The following RANBP17 variants were observed in gnomAD, a reference collection of about 807,000 sequenced individuals.
RANBP17 encodes ran-binding protein 17.
A neutral mutation model predicts 141.2 loss-of-function variants in RANBP17; 158 were observed. That is an observed-to-expected ratio of 1.12 (90% CI 0.98 to 1.28). The LOEUF is 1.28. Ranked by LOEUF, RANBP17 falls within the 50% of genes most tolerant of loss-of-function variation. The pLI is 0.00. For synonymous variants in RANBP17, 430 were observed against 450.0 expected (o/e 0.96, Z 0.56); for missense variants, 1,438 against 1,290.7 (o/e 1.11, Z -1.75).
At chr5:171,032,209 G>T (rs1295827159) in intron 14 of RANBP17, among the ~76,000 whole-genome samples, 1 of 152,098 alleles carries the variant, frequency 6.6e-6, no homozygotes, top group East Asian at 1.9e-4. Flanking sequence ...AACAGCTCCT[G>T]CTTTAATGAA....
chr5:171,199,924 C>A, intron 19 of RANBP17, 151 bp downstream of exon 19: 1 of 475,610 alleles, frequency 2.1e-6, no homozygotes, highest in Non-Finnish European at 3.7e-6. Context: ...TTTATTTAAG[C>A]ATTTTTCTAG....
chr5:170,992,296 C>G (rs897150962), intron 14 of RANBP17, among the ~76,000 whole-genome samples: 2 of 151,900 alleles, frequency 1.3e-5, no homozygotes, highest in Non-Finnish European at 2.9e-5. Context: ...CTTTTGTTTT[C>G]CTTGCCAGTA....
chr5:171,157,152 A>G (rs1758962384), intron 14 of RANBP17, among the ~76,000 whole-genome samples: 1 of 152,170 alleles, frequency 6.6e-6, no homozygotes, highest in African/African-American at 2.4e-5. Flanking sequence ...TCAGACCAAG[A>G]AATATCTGGG....
chr5:170,929,469 A>G (rs1581168583), intron 12 of RANBP17, among the ~76,000 whole-genome samples: 1 of 152,250 alleles, frequency 6.6e-6, no homozygotes, highest in African/African-American at 2.4e-5. Context: ...CCTTTTATGC[A>G]TCTATTCAAA....
intron 18 of RANBP17, among the ~76,000 whole-genome samples, chr5:171,193,728 A>T (rs1003406423): frequency 2.6e-5 from 4 of 152,066 alleles, no homozygotes; most frequent in Non-Finnish European, 5.9e-5. Context: ...AATCCTTCCC[A>T]TGCTGCCATC....
At position 170,954,218 on chromosome 5, in the gene RANBP17, C is replaced by T. The variant is rs1433769735; in HGVS notation, c.1574+516C>T. ...TAATTTATTTTTAATAACAAATCTC[C>T]TTATAACAGCGTCATACATGTTTTT... On this transcript the variant is annotated intron_variant, in intron 13 of 27. Transcript: ENST00000523189. 2.6e-5 allele frequency among the ~76,000 whole-genome samples: 4 copies of T among 152,010 alleles called. No homozygotes were observed. In the East Asian group the frequency reaches 7.7e-4, roughly 29 times the overall value.
intron 21 of RANBP17, among the ~76,000 whole-genome samples, chr5:171,215,774 T>TGTTTAAGTTCCTTGTAGATTC (rs1283664062): frequency 1.1e-4 from 16 of 152,218 alleles, no homozygotes; most frequent in Non-Finnish European, 2.1e-4. Context: ...CTTGTAAATT[T>TGTTTAAGTTCCTTGTAGATTC]GTTTAAGTTC....
At chr5:171,252,916 T>C (rs1765663572) in intron 24 of RANBP17, 1 of 1,465,040 alleles carries the variant, frequency 6.8e-7, no homozygotes, top group Admixed American at 1.7e-5. Context: ...TGAAGAAGTC[T>C]ACGGGCTGAC....
At chr5:170,916,826 C>T (rs1772018484) in intron 9 of RANBP17, among the ~76,000 whole-genome samples, 1 of 150,620 alleles carries the variant, frequency 6.6e-6, no homozygotes, top group Non-Finnish European at 1.5e-5. Flanking sequence ...AGTGATTCTT[C>T]TGCCTCAGCC....
chr5:171,003,097 C>T (rs561554172), intron 14 of RANBP17, among the ~76,000 whole-genome samples: 16 of 152,218 alleles, frequency 1.1e-4, no homozygotes, highest in East Asian at 5.8e-4. Context: ...CAATGGCGGC[C>T]GCTGCACGGA....
chr5:170,905,994 A>T (rs1364644412), intron 5 of RANBP17, among the ~76,000 whole-genome samples: 3 of 152,098 alleles, frequency 2.0e-5, no homozygotes, highest in Non-Finnish European at 4.4e-5. Context: ...CTTACAGAAA[A>T]GTTGTAAGTA....
At chr5:171,123,725 G>A (rs1372954502) in intron 14 of RANBP17, among the ~76,000 whole-genome samples, 3 of 152,194 alleles carry the variant, frequency 2.0e-5, no homozygotes, top group Admixed American at 6.5e-5. Context: ...CACAGCCTCC[G>A]CTAACAACTG....
At chr5:171,124,511 G>A (rs1452791790) in intron 14 of RANBP17, among the ~76,000 whole-genome samples, 1 of 152,058 alleles carries the variant, frequency 6.6e-6, no homozygotes, top group Non-Finnish European at 1.5e-5. Flanking sequence ...TCCAGATACA[G>A]GAAACTCAAA....
chr5:170,945,019 C>T (rs7702726), intron 12 of RANBP17, among the ~76,000 whole-genome samples: 3,711 of 152,330 alleles, frequency 0.024, 134 homozygotes, highest in African/African-American at 0.084. Flanking sequence ...GAGTCTCTCT[C>T]TCCCCTGCCC....
chr5:171,023,772 C>A (rs1781042761), intron 14 of RANBP17, among the ~76,000 whole-genome samples: 1 of 152,166 alleles, frequency 6.6e-6, no homozygotes, highest in Non-Finnish European at 1.5e-5. Context: ...GAACTCTTAT[C>A]TCTGTCTTCT....
chr5:170,901,018 A>G (rs867305540), intron 5 of RANBP17, among the ~76,000 whole-genome samples: 2 of 152,150 alleles, frequency 1.3e-5, no homozygotes, highest in East Asian at 1.9e-4. Flanking sequence ...GTAGATGTCT[A>G]TTAGGTCTGC....
At chr5:171,147,947 A>G (rs1758180390) in intron 14 of RANBP17, among the ~76,000 whole-genome samples, 1 of 152,180 alleles carries the variant, frequency 6.6e-6, no homozygotes, top group Admixed American at 6.5e-5. Context: ...TGGAATAGAA[A>G]GGCGGGAAAG....
chr5:171,242,285 T>C (rs1393046729), intron 23 of RANBP17, among the ~76,000 whole-genome samples: 1 of 152,200 alleles, frequency 6.6e-6, no homozygotes, highest in Non-Finnish European at 1.5e-5. Flanking sequence ...AGCATTATAT[T>C]AATACAACAG....
In RANBP17 at chr5:170,998,251, T is replaced by G. The variant is rs575022269; in HGVS notation, c.1710+29874T>G. 3.9e-5 allele frequency among the ~76,000 whole-genome samples: 6 copies of G among 152,330 alleles called. No homozygotes were observed. The South Asian group carries it at 1.2e-3, about 32-fold the overall frequency. On this transcript the variant is annotated intron_variant, in intron 14 of 27. Transcript: ENST00000523189. ...TTCTCATTGGAATATTTTATTGTTA[T>G]GTGTGTAGATTTTTGAATATAGCAT...
Sources: allele counts gnomAD v4.1 joint callset (sites outside exome capture counted in the v4.1 genomes callset), GRCh38; gene constraint gnomAD v4.1.1; transcripts MANE v1.5; gene names NCBI Gene and HGNC (gene_info 2026-07-23, HGNC 2026-07-21).